Variants in NMUR2 observed in about 807,000 individuals in gnomAD.
NMUR2 encodes neuromedin U receptor 2, also known as neuromedin-U receptor 2.
NMUR2 carries 24 observed loss-of-function variants against 25.1 expected under a neutral mutation model. The observed-to-expected ratio is 0.96, with a 90% CI of 0.69 to 1.34. The LOEUF (loss-of-function observed/expected upper bound fraction) is 1.34, where lower values mean the gene tolerates loss of function less well. Ranked by LOEUF, NMUR2 falls within the 40% of genes most tolerant of loss-of-function variation. The pLI is 0.00. For missense variants in NMUR2, 533 were observed against 512.8 expected, an observed-to-expected ratio of 1.04 and a Z score of -0.38; for synonymous variants, 218 against 208.1, an observed-to-expected ratio of 1.05 and a Z score of -0.41.
chr5:152,400,380 G>A (rs1191376048), intron 1 of NMUR2, among the ~76,000 whole-genome samples: 1 of 152,142 alleles, frequency 6.6e-6, no homozygotes, highest in Non-Finnish European at 1.5e-5. Context: ...TACTCAGCAA[G>A]TTGTATATTA....
At chr5:152,404,240 A>T in intron 1 of NMUR2, 148 bp downstream of exon 1, 1 of 863,678 alleles carries the variant, frequency 1.2e-6, no homozygotes, top group Non-Finnish European at 1.8e-6. Context: ...AAGTCCTTTT[A>T]AGTCTCAATT....
intron 2 of NMUR2, 37 bp downstream of exon 2, chr5:152,398,023 G>A (rs1753190561): frequency 6.7e-7 from 1 of 1,497,202 alleles, no homozygotes; most frequent in East Asian, 2.3e-5. Context: ...TTGCTCTTAT[G>A]AACAAAACAA....
At position 152,398,143 on chromosome 5, in the gene NMUR2, A is replaced by G. The variant is rs1388978565; in HGVS notation, c.728T>C (p.Leu243Pro). 6.2e-6 allele frequency: 10 copies of G among 1,609,634 alleles called. No homozygotes were observed. The highest frequency in any genetic ancestry group is 1.3e-5 in the African/African-American group (1 of 74,834). The part of the protein sequence containing the change: ...SVLYYLMALR[L>P]KKDKSLEADE... Reference sequence around the variant, plus strand: ...TGCCTCAAGAGATTTGTCTTTCTTTAGCTGAAAGGGAAGTAAGTTGGGAGA... The same window carrying G: ...TGCCTCAAGAGATTTGTCTTTCTTTGGCTGAAAGGGAAGTAAGTTGGGAGA... Residue 243 changes from leucine to proline, a missense_variant and splice_region_variant, in exon 2 of 4, where the codon CTA (leucine) becomes CCA (proline). Transcript: ENST00000255262.
intron 3 of NMUR2, among the ~76,000 whole-genome samples, chr5:152,394,976 C>T (rs1329634793): frequency 2.0e-5 from 3 of 151,610 alleles, no homozygotes; most frequent in African/African-American, 4.8e-5. Context: ...ACTTACTGAC[C>T]TTTCCACCAT....
intron 2 of NMUR2, among the ~76,000 whole-genome samples, chr5:152,395,963 T>G (rs916567837): frequency 1.3e-5 from 2 of 152,116 alleles, no homozygotes; most frequent in Non-Finnish European, 2.9e-5. Flanking sequence ...AATTAGAAGT[T>G]TCTCTGAATT....
chr5:152,392,765 C>G (rs1473132319), intron 3 of NMUR2, among the ~76,000 whole-genome samples: 1 of 152,164 alleles, frequency 6.6e-6, no homozygotes, highest in Non-Finnish European at 1.5e-5. Flanking sequence ...CAGCAACTTT[C>G]TTTGATCACT....
intron 1 of NMUR2, 130 bp downstream of exon 1, chr5:152,404,258 T>G: frequency 2.8e-6 from 3 of 1,083,466 alleles, no homozygotes; most frequent in Non-Finnish European, 2.6e-6. Flanking sequence ...ATTTCCCATC[T>G]GAGCTCATTC....
chr5:152,392,918 C>A (rs1323034722), intron 3 of NMUR2, among the ~76,000 whole-genome samples: 1 of 151,922 alleles, frequency 6.6e-6, no homozygotes, highest in Non-Finnish European at 1.5e-5. Context: ...GGTAAATCAG[C>A]CAAGGCTTAG....
Position 152,404,700 on chromosome 5 carries a change from GGT to G in NMUR2, c.412_413del (p.Thr138HisfsTer112). Reference protein sequence around the residue: ...TVCFASILSITTVSVERYVAI... With the variant: ...TVCFASILSIXTVSVERYVAI... ...CCACGTAGCGCTCCACGCTGACGGT[GGT>G]GATGCTGAGGATGGAGGCGAAGCAC... On this transcript the variant is annotated frameshift_variant, in exon 1 of 4. Coordinates refer to ENST00000255262, the MANE Select transcript of NMUR2 (RefSeq NM_020167.5). LOFTEE classifies it high-confidence loss of function. The G allele has an allele frequency of 6.2e-7, 1 of 1,614,174 alleles. No homozygotes were observed. The highest frequency in any genetic ancestry group is 8.5e-7 in the Non-Finnish European group (1 of 1,180,044).
chr5:152,405,262 T>A lies in NMUR2; in HGVS notation c.-149A>T. ...GTAAGGAAGGCTGGGAGAGAGTGAG[T>A]GTTTCACCCTCCAGGTTAGGCTGCC... On this transcript the variant is annotated 5_prime_UTR_variant, in exon 1 of 4. Transcript: ENST00000255262. The A allele has an allele frequency of 1.1e-6, 1 of 902,006 alleles. No homozygotes were observed. The highest frequency in any genetic ancestry group is 1.6e-6 in the Non-Finnish European group (1 of 614,350). 55.9% of individuals were successfully genotyped at this position (902,006 alleles called of 1,614,324 possible).
At chr5:152,399,680 C>T (rs992765655) in intron 1 of NMUR2, among the ~76,000 whole-genome samples, 1 of 152,048 alleles carries the variant, frequency 6.6e-6, no homozygotes, top group Admixed American at 6.6e-5. Flanking sequence ...ATAATAAGAT[C>T]GTGTGTTTTA....
At chr5:152,403,117 C>A (rs1416532108) in intron 1 of NMUR2, among the ~76,000 whole-genome samples, 1 of 152,128 alleles carries the variant, frequency 6.6e-6, no homozygotes, top group South Asian at 2.1e-4. Flanking sequence ...ATTTAAAACT[C>A]ACATTACTTC....
intron 1 of NMUR2, among the ~76,000 whole-genome samples, chr5:152,402,311 T>A (rs916641684): frequency 6.6e-5 from 10 of 152,158 alleles, no homozygotes; most frequent in African/African-American, 2.2e-4. Context: ...ATAAAGGCCC[T>A]GCGATCAGTG....
At chr5:152,403,107 A>G (rs1016761615) in intron 1 of NMUR2, among the ~76,000 whole-genome samples, 1 of 152,206 alleles carries the variant, frequency 6.6e-6, no homozygotes, top group Admixed American at 6.5e-5. Context: ...TTGTCCTGTC[A>G]TTTAAAACTC....
intron 1 of NMUR2, among the ~76,000 whole-genome samples, chr5:152,400,573 C>G (rs913853355): frequency 1.3e-5 from 2 of 152,002 alleles, no homozygotes; most frequent in African/African-American, 2.4e-5. Flanking sequence ...TGTACTGATA[C>G]AAAGGAGGCA....
In NMUR2 at chr5:152,405,168, A is replaced by AT; in HGVS notation, c.-56_-55insA. On this transcript the variant is annotated 5_prime_UTR_variant, in exon 1 of 4. The change creates a new upstream start codon in the 5' untranslated region. Coordinates refer to ENST00000255262, the MANE Select transcript of NMUR2 (RefSeq NM_020167.5). Reference sequence around the variant, plus strand: ...ACGAGGCTCTGTTTCAAGCTGAGCCAGGAAAAAAAAAAAAAAAAGAAAAAA... The same window carrying AT: ...ACGAGGCTCTGTTTCAAGCTGAGCCATGGAAAAAAAAAAAAAAAAGAAAAAA... The AT allele has an allele frequency of 1.5e-6, 2 of 1,362,092 alleles. No homozygotes were observed. Among genetic ancestry groups the AT allele is most frequent in the Non-Finnish European group, 1.9e-6 (2 of 1,029,626 alleles). The allele number at this position is 1,362,092 out of a possible 1,614,324, so 84.4% of individuals were successfully genotyped here.
chr5:152,396,818 G>T (rs1317582117), intron 2 of NMUR2, among the ~76,000 whole-genome samples: 1 of 151,916 alleles, frequency 6.6e-6, no homozygotes, highest in Non-Finnish European at 1.5e-5. Flanking sequence ...CTTGAACCTG[G>T]GAGGCAGAGG....
At position 152,402,913 on chromosome 5, in the gene NMUR2, G is replaced by A. The variant is rs74350490; in HGVS notation, c.726+1475C>T. ...CAGATGTCCGTGACACTTAGAATTT[G>A]TTCTTCCTACTTAGACCTCGCTATT... On this transcript the variant is annotated intron_variant, in intron 1 of 3. Coordinates refer to ENST00000255262, the MANE Select transcript of NMUR2 (RefSeq NM_020167.5). 8.7e-3 allele frequency among the ~76,000 whole-genome samples: 1,325 copies of A among 152,250 alleles called. 19 individuals carry two copies. Among genetic ancestry groups the A allele is most frequent in the African/African-American group, 0.03 (1,257 of 41,536 alleles).
rs1004624182 is a variant in NMUR2 at position 152,404,655 on chromosome 5, G to T, written c.459C>A (p.Arg153=). The T allele has an allele frequency of 1.9e-6, 3 of 1,614,138 alleles. No homozygotes were observed. The highest frequency in any genetic ancestry group is 2.5e-6 in the Non-Finnish European group (3 of 1,180,030). ...GGCGCCGGGTGCTCTGCAGTTTGGC[G>T]CGGAACGGGTGTAGGATGGCCACGT... ...ERYVAILHPF[R]AKLQSTRRRA... Residue 153 remains arginine, a synonymous_variant, in exon 1 of 4, where the codon CGC becomes CGA. Coordinates refer to ENST00000255262, the MANE Select transcript of NMUR2 (RefSeq NM_020167.5).
Sources: gnomAD v4.1 joint callset for allele counts (sites outside exome capture counted in the v4.1 genomes callset) on GRCh38, gnomAD v4.1.1 for gene constraint, MANE v1.5 for transcripts, NCBI Gene and HGNC (gene_info 2026-07-23, HGNC 2026-07-21) for gene names.